The following OTUD3 variants were observed in gnomAD, a reference collection of about 807,000 sequenced individuals.
OTUD3 encodes OTU deubiquitinase 3.
OTUD3 carries 24 observed loss-of-function variants against 46.2 expected under a neutral mutation model. The ratio of observed to expected loss-of-function variants is 0.52; its 90% CI spans 0.38 to 0.73. The LOEUF is 0.73. Ranked by LOEUF, OTUD3 falls within the 30% of genes least tolerant of loss-of-function variation. The pLI is 0.00. For synonymous variants in OTUD3, 189 were observed against 195.4 expected (o/e 0.97, Z 0.27); for missense variants, 455 against 523.3 (o/e 0.87, Z 1.27).
At chr1:19,895,193 T>C (rs937168290) in intron 3 of OTUD3, among the ~76,000 whole-genome samples, 3 of 152,222 alleles carry the variant, frequency 2.0e-5, no homozygotes, top group Non-Finnish European at 4.4e-5. Context: ...AGCATAAAGG[T>C]AACAGTGCCC....
intron 2 of OTUD3, among the ~76,000 whole-genome samples, chr1:19,892,776 G>T (rs61769074): frequency 0.052 from 7,863 of 152,114 alleles, 240 homozygotes; most frequent in Middle Eastern, 0.085. Context: ...GATTTCCTCA[G>T]TCTGTTTTCT....
chr1:19,900,230 G>T (rs1381739946), intron 4 of OTUD3, among the ~76,000 whole-genome samples: 1 of 151,818 alleles, frequency 6.6e-6, no homozygotes, highest in Admixed American at 6.6e-5. Flanking sequence ...TTGAGACTGG[G>T]TCTCACTCTG....
chr1:19,884,487 C>T (rs2045326949), intron 1 of OTUD3, among the ~76,000 whole-genome samples: 2 of 152,194 alleles, frequency 1.3e-5, no homozygotes, highest in South Asian at 2.1e-4. Context: ...ACTTCATAGC[C>T]TAAGGTAGAA....
At chr1:19,888,319 T>C (rs931103686) in intron 1 of OTUD3, among the ~76,000 whole-genome samples, 1 of 152,150 alleles carries the variant, frequency 6.6e-6, no homozygotes, top group Non-Finnish European at 1.5e-5. Flanking sequence ...CCAGATCTCC[T>C]AGAGGCCCTT....
chr1:19,911,351 A>G lies in OTUD3; in HGVS notation c.*3605A>G, dbSNP rs1260462050. ...TTGTTCTGAGGTGATTTAATAATGG[A>G]CTTTTTATAAGTTATGTTTTCCTGG... is the stretch of plus-strand genomic sequence containing the variant. On this transcript the variant is annotated 3_prime_UTR_variant, in exon 8 of 8. Transcript: ENST00000375120. The G allele has an allele frequency of 1.3e-5, 2 of 149,742 alleles. No individual in the cohort carries two copies. Among genetic ancestry groups the G allele is most frequent in the South Asian group, 2.1e-4 (1 of 4,764 alleles). 9.3% of individuals were successfully genotyped at this position (149,742 alleles called of 1,614,324 possible). A position where few individuals can be genotyped will look rare whatever the true frequency, so the allele number is the denominator to read the frequency against.
At chr1:19,899,795 A>G (rs2045562300) in intron 4 of OTUD3, among the ~76,000 whole-genome samples, 1 of 152,232 alleles carries the variant, frequency 6.6e-6, no homozygotes, top group South Asian at 2.1e-4. Context: ...TGTTAGGGGA[A>G]AAATTGTTTA....
chr1:19,884,795 C>T (rs990595274), intron 1 of OTUD3, among the ~76,000 whole-genome samples: 2 of 152,170 alleles, frequency 1.3e-5, no homozygotes, highest in African/African-American at 2.4e-5. Flanking sequence ...TATCAGAGAC[C>T]TTCCCACATC....
intron 3 of OTUD3, 41 bp from the exon 4 acceptor site, chr1:19,897,499 G>C: frequency 6.2e-7 from 1 of 1,610,090 alleles, no homozygotes; most frequent in Non-Finnish European, 8.5e-7. Context: ...AGTTGATAGT[G>C]TTCAGATCCT....
intron 2 of OTUD3, among the ~76,000 whole-genome samples, chr1:19,893,406 AAGGTTCCAGACACGAAGCTTCTG>A (rs920471462): frequency 5.0e-4 from 76 of 152,310 alleles, no homozygotes; most frequent in African/African-American, 1.8e-3. Context: ...ACAGTCTGGA[AAGGTTCCAGACACGAAGCTTCTG>A]TTGTCCTCAG....
chr1:19,886,522 G>A (rs1356955384), intron 1 of OTUD3, among the ~76,000 whole-genome samples: 1 of 152,068 alleles, frequency 6.6e-6, no homozygotes, highest in Non-Finnish European at 1.5e-5. Flanking sequence ...GAATATCTGG[G>A]GAGGAACTTT....
Position 19,904,487 on chromosome 1 carries a change from A to G in OTUD3, c.738+89A>G, listed in dbSNP as rs1423031024. Reference sequence around the variant, plus strand: ...TAGTTTCGTAGCACCTCTCTAGCATATCAGCACCTTGTGGGCCAAAATAGG... The same window carrying G: ...TAGTTTCGTAGCACCTCTCTAGCATGTCAGCACCTTGTGGGCCAAAATAGG... On this transcript the variant is annotated intron_variant, in intron 5 of 7. Coordinates refer to ENST00000375120, the MANE Select transcript of OTUD3 (RefSeq NM_015207.2). The G allele has an allele frequency of 1.5e-5, 19 of 1,277,212 alleles. No homozygotes were observed. In the Admixed American group the frequency reaches 3.6e-4, roughly 24 times the overall value. 79.1% of individuals were successfully genotyped at this position (1,277,212 alleles called of 1,614,324 possible). A position where few individuals can be genotyped will look rare whatever the true frequency, so the allele number is the denominator to read the frequency against.
In OTUD3 at chr1:19,894,419, C is replaced by A. The variant is rs1163836353; in HGVS notation, c.422C>A (p.Ala141Asp). ...GTFAGNDAIV[A>D]FARNHQLNVV... ...TTTGCTGGCAATGATGCAATTGTAG[C>A]CTTTGCAAGAAATCATCAGTTGAAT... Residue 141 changes from alanine to aspartate, a missense_variant, in exon 3 of 8, where the codon GCC becomes GAC. Ala to Asp is a moderately radical substitution (Grantham distance 126). Transcript: ENST00000375120. 1 of 1,611,236 alleles carries A rather than the reference C, an allele frequency of 6.2e-7. No individual in the cohort carries two copies. The highest frequency in any genetic ancestry group is 8.5e-7 in the Non-Finnish European group (1 of 1,178,670).
In OTUD3 at chr1:19,910,076, G is replaced by A. The variant is rs946777004; in HGVS notation, c.*2330G>A. 15 of 152,344 alleles carry A rather than the reference G, an allele frequency of 9.8e-5. No individual in the cohort carries two copies. Among genetic ancestry groups the A allele is most frequent in the African/African-American group, 2.9e-4 (12 of 41,444 alleles). The allele number at this position is 152,344 out of a possible 1,614,324, so 9.4% of individuals were successfully genotyped here. A position where few individuals can be genotyped will look rare whatever the true frequency, so the allele number is the denominator to read the frequency against. On this transcript the variant is annotated 3_prime_UTR_variant, in exon 8 of 8. Transcript: ENST00000375120. ...TCTCACTGGGTACATGAGAAGGTTG[G>A]AATCAACATGCTTAGTTGCCTCAGT... is the stretch of plus-strand genomic sequence containing the variant.
chr1:19,893,913 T>C (rs1038759888), intron 2 of OTUD3, among the ~76,000 whole-genome samples: 6 of 152,272 alleles, frequency 3.9e-5, no homozygotes, highest in Non-Finnish European at 7.3e-5. Context: ...AGCTCCACTG[T>C]GTACCAGCTC....
intron 1 of OTUD3, among the ~76,000 whole-genome samples, chr1:19,887,099 G>A (rs1319355393): frequency 2.8e-5 from 2 of 72,678 alleles, no homozygotes; most frequent in Non-Finnish European, 2.7e-5. Flanking sequence ...TTTTTTTTTT[G>A]GAGACATTAG....
chr1:19,910,461 A>G lies in OTUD3; in HGVS notation c.*2715A>G, dbSNP rs1194733738. The G allele has an allele frequency of 6.6e-6, 1 of 152,350 alleles. No individual in the cohort carries two copies. Among genetic ancestry groups the G allele is most frequent in the African/African-American group, 2.4e-5 (1 of 41,464 alleles). 9.4% of individuals were successfully genotyped at this position (152,350 alleles called of 1,614,324 possible). A position where few individuals can be genotyped will look rare whatever the true frequency, so the allele number is the denominator to read the frequency against. On this transcript the variant is annotated 3_prime_UTR_variant, in exon 8 of 8. Transcript: ENST00000375120. ...AGCTTTGAACTAGAGAGGTAGATGT[A>G]TTAAAGCAGCATAGAACCATAACTT...
rs1330650626 is a variant in OTUD3 at position 19,912,786 on chromosome 1, A to G, written c.*5040A>G. On this transcript the variant is annotated 3_prime_UTR_variant, in exon 8 of 8. Transcript: ENST00000375120. ...TGAACCATTTTATTTTTTATTTACC[A>G]AAGTACTGTACTTGGCTATTTGCAG... is the stretch of plus-strand genomic sequence containing the variant. The G allele has an allele frequency of 6.6e-6, 1 of 152,294 alleles. No homozygotes were observed. The highest frequency in any genetic ancestry group is 1.5e-5 in the Non-Finnish European group (1 of 68,016). The allele number at this position is 152,294 out of a possible 1,614,324, so 9.4% of individuals were successfully genotyped here. A position where few individuals can be genotyped will look rare whatever the true frequency, so the allele number is the denominator to read the frequency against.
intron 2 of OTUD3, among the ~76,000 whole-genome samples, chr1:19,891,109 T>C (rs1392419913): frequency 1.3e-5 from 2 of 152,212 alleles, no homozygotes; most frequent in Non-Finnish European, 2.9e-5. Flanking sequence ...TTTCTGACTT[T>C]TAGATGATCA....
chr1:19,893,250 TGGG>T (rs1365652534), intron 2 of OTUD3, among the ~76,000 whole-genome samples: 4 of 152,206 alleles, frequency 2.6e-5, no homozygotes, highest in African/African-American at 7.2e-5. Context: ...ATCTACAAGT[TGGG>T]GTCTCCCAGA....
Sources: allele counts gnomAD v4.1 joint callset (sites outside exome capture counted in the v4.1 genomes callset), GRCh38; gene constraint gnomAD v4.1.1; transcripts MANE v1.5; gene names NCBI Gene and HGNC (gene_info 2026-07-23, HGNC 2026-07-21).